CCDC102B: variants seen among roughly 807,000 people sequenced by gnomAD.
The protein encoded by CCDC102B is coiled-coil domain containing 102B, also known as coiled-coil domain-containing protein 102B.
In CCDC102B, 75 loss-of-function variants were observed where a neutral mutation model predicts 57.4. That is an observed-to-expected ratio of 1.31 (90% CI 1.08 to 1.58). The LOEUF is 1.58. Ranked by LOEUF, CCDC102B falls within the 40% of genes most tolerant of loss-of-function variation. CCDC102B has a pLI of 0.00. For synonymous variants in CCDC102B, 206 were observed against 201.9 expected (o/e 1.02, Z -0.17); for missense variants, 636 against 582.6 (o/e 1.09, Z -0.94).
chr18:68,766,845 T>A (rs1447762311), intron 2 of CCDC102B, among the ~76,000 whole-genome samples: 1 of 152,184 alleles, frequency 6.6e-6, no homozygotes, highest in Non-Finnish European at 1.5e-5. Flanking sequence ...GTTTGGGAAT[T>A]AAAAGAAAAT....
At chr18:69,022,304 C>T (rs2051866388) in intron 7 of CCDC102B, among the ~76,000 whole-genome samples, 1 of 150,440 alleles carries the variant, frequency 6.6e-6, no homozygotes. Context: ...CACACACACA[C>T]ATATATATGG....
intron 7 of CCDC102B, among the ~76,000 whole-genome samples, chr18:69,016,234 A>C (rs1417320474): frequency 1.3e-5 from 2 of 152,072 alleles, no homozygotes; most frequent in East Asian, 1.9e-4. Flanking sequence ...AAAATAACCG[A>C]CCACTTTAAT....
At chr18:69,026,194 G>C in intron 7 of CCDC102B, among the ~76,000 whole-genome samples, 1 of 152,130 alleles carries the variant, frequency 6.6e-6, no homozygotes, top group East Asian at 1.9e-4. Context: ...TGCCGGGCAC[G>C]GTGGCTCACG....
rs545528756 is a variant in CCDC102B, at chr18:68,790,492, C to T, written c.-66-32874C>T. On this transcript the variant is annotated intron_variant, in intron 2 of 3. Coordinates refer to the CCDC102B transcript ENST00000578970. ...CTAGCAATCAGCGAGACTCCGAGGG[C>T]GTAGGACCCTCCGAGCCAGGGCGGG... Among the ~76,000 whole-genome samples the T allele has an allele frequency of 1.1e-4, 17 of 152,130 alleles. No homozygotes were observed. The South Asian group carries it at 2.1e-3, about 19-fold the overall frequency.
chr18:68,727,126 A>G (rs2032633123), intron 2 of CCDC102B, among the ~76,000 whole-genome samples: 1 of 152,208 alleles, frequency 6.6e-6, no homozygotes, highest in African/African-American at 2.4e-5. Flanking sequence ...GGAAGCTTGA[A>G]CAAAACAACA....
chr18:68,783,067 C>G (rs1039787894), intron 2 of CCDC102B, among the ~76,000 whole-genome samples: 6 of 152,068 alleles, frequency 3.9e-5, no homozygotes, highest in Non-Finnish European at 8.8e-5. Flanking sequence ...TTACTGGCCT[C>G]GTTTTGCAGG....
chr18:68,785,813 G>C (rs1239545943), intron 2 of CCDC102B, among the ~76,000 whole-genome samples: 1 of 151,510 alleles, frequency 6.6e-6, no homozygotes, highest in African/African-American at 2.4e-5. Flanking sequence ...CTTTTGCTGT[G>C]CAGAAGTTCT....
At chr18:68,983,352 A>G (rs575802955) in intron 6 of CCDC102B, among the ~76,000 whole-genome samples, 1 of 152,152 alleles carries the variant, frequency 6.6e-6, no homozygotes, top group African/African-American at 2.4e-5. Context: ...TATGCAGGAA[A>G]AAATATAACT....
chr18:68,878,454 T>C (rs1318730236), intron 5 of CCDC102B, among the ~76,000 whole-genome samples: 1 of 152,148 alleles, frequency 6.6e-6, no homozygotes, highest in Admixed American at 6.5e-5. Flanking sequence ...ATGGTCTGAA[T>C]GTGTGTGTGT....
At chr18:68,911,471 G>C (rs887109541) in intron 6 of CCDC102B, among the ~76,000 whole-genome samples, 1 of 150,848 alleles carries the variant, frequency 6.6e-6, no homozygotes, top group African/African-American at 2.5e-5. Context: ...GATCAGAAAA[G>C]GCCGGGCGCG....
chr18:68,757,001 C>G (rs1198742649), intron 2 of CCDC102B, among the ~76,000 whole-genome samples: 1 of 152,026 alleles, frequency 6.6e-6, no homozygotes, highest in Non-Finnish European at 1.5e-5. Flanking sequence ...GGTCAAGCCT[C>G]TGCTACAGTG....
intron 6 of CCDC102B, among the ~76,000 whole-genome samples, chr18:68,971,914 C>G (rs1287888211): frequency 6.6e-6 from 1 of 151,652 alleles, no homozygotes; most frequent in East Asian, 2.0e-4. Flanking sequence ...GTTTTCTTCT[C>G]TTCCTTTCCT....
At position 68,962,159 on chromosome 18, in the gene CCDC102B, A is replaced by G. The variant is rs183496345; in HGVS notation, c.1264-48775A>G. ...TCCATGTTTTGCTTTAGTTTCCCTT[A>G]ATTAAGTTACAGCAATATGTTTCCT... On this transcript the variant is annotated intron_variant, in intron 6 of 7. Transcript: ENST00000360242. Among the ~76,000 whole-genome samples the G allele has an allele frequency of 3.0e-3, 449 of 152,184 alleles. 6 individuals carry two copies. Among genetic ancestry groups the G allele is most frequent in the African/African-American group, 0.01 (426 of 41,546 alleles).
At chr18:68,805,352 C>T (rs28540779) in intron 1 of CCDC102B, among the ~76,000 whole-genome samples, 9,778 of 152,186 alleles carry the variant, frequency 0.064, 831 homozygotes, top group African/African-American at 0.2. Context: ...AGTCAAGAAA[C>T]TGAAGTGAGA....
At chr18:68,726,876 C>A (rs79496479) in intron 2 of CCDC102B, among the ~76,000 whole-genome samples, 1 of 151,920 alleles carries the variant, frequency 6.6e-6, no homozygotes, top group South Asian at 2.1e-4. Flanking sequence ...GTTCATGAAC[C>A]CTAAACAAAT....
intron 3 of CCDC102B, among the ~76,000 whole-genome samples, chr18:68,845,952 T>C (rs1300211357): frequency 6.6e-6 from 1 of 151,746 alleles, no homozygotes; most frequent in Non-Finnish European, 1.5e-5. Context: ...AATATGAAGA[T>C]GGATAGAATT....
At chr18:68,986,697 T>C (rs2363202) in intron 6 of CCDC102B, among the ~76,000 whole-genome samples, 10,875 of 151,272 alleles carry the variant, frequency 0.072, 705 homozygotes, top group African/African-American at 0.16. Context: ...CTAGAACTGA[T>C]AAAACAACAA....
intron 6 of CCDC102B, among the ~76,000 whole-genome samples, chr18:68,984,900 T>A (rs1449068961): frequency 6.6e-6 from 1 of 152,142 alleles, no homozygotes; most frequent in Non-Finnish European, 1.5e-5. Context: ...GGATTTTGAT[T>A]TATGGATGTA....
intron 2 of CCDC102B, among the ~76,000 whole-genome samples, chr18:68,716,973 G>T (rs1404010960): frequency 1.3e-5 from 2 of 152,060 alleles, no homozygotes; most frequent in Non-Finnish European, 2.9e-5. Flanking sequence ...AGCTACTTGG[G>T]AGGCTGAGGC....
Sources: gnomAD v4.1 joint callset for allele counts (sites outside exome capture counted in the v4.1 genomes callset) on GRCh38, gnomAD v4.1.1 for gene constraint, MANE v1.5 for transcripts, NCBI Gene and HGNC (gene_info 2026-07-23, HGNC 2026-07-21) for gene names.